The following UNC5D variants were observed in gnomAD, a reference collection of about 807,000 sequenced individuals.
The protein encoded by UNC5D is unc-5 netrin receptor D, also known as netrin receptor UNC5D.
A neutral mutation model predicts 105.4 loss-of-function variants in UNC5D; 39 were observed. That is an observed-to-expected ratio of 0.37 (90% CI 0.29 to 0.48). The LOEUF is 0.48. Ranked by LOEUF, UNC5D falls within the 20% of genes least tolerant of loss-of-function variation. UNC5D has a pLI of 0.98. For missense variants in UNC5D, 991 were observed against 1,202.4 expected (o/e 0.82, Z 2.60); for synonymous variants, 452 against 450.4 (o/e 1.00, Z -0.04).
At position 35,600,224 on chromosome 8, in the gene UNC5D, C is replaced by T. The variant is rs563518417; in HGVS notation, c.570+4567C>T. ...TCATTGTTGGACATTTGGGTTGGTT[C>T]CAAGTCTTTGCTATTGTGAATAGTG... On this transcript the variant is annotated intron_variant, in intron 4 of 16. Transcript: ENST00000404895. 8.5e-5 allele frequency among the ~76,000 whole-genome samples: 13 copies of T among 152,220 alleles called. 1 individual carries two copies. In the South Asian group the frequency reaches 2.5e-3, roughly 29 times the overall value.
chr8:35,514,190 A>C (rs898953128), intron 1 of UNC5D, among the ~76,000 whole-genome samples: 2 of 152,174 alleles, frequency 1.3e-5, no homozygotes, highest in Non-Finnish European at 2.9e-5. Flanking sequence ...CAGAATCCCT[A>C]TGCAGGAAAG....
Position 35,303,729 on chromosome 8 carries a change from T to C in UNC5D, c.103+67842T>C, listed in dbSNP as rs142070823. 2.8e-3 allele frequency among the ~76,000 whole-genome samples: 420 copies of C among 152,206 alleles called. 4 individuals are homozygous for C. The highest frequency in any genetic ancestry group is 9.6e-3 in the African/African-American group (399 of 41,544). On this transcript the variant is annotated intron_variant, in intron 1 of 16. Transcript: ENST00000404895. ...CACTGTGAGGCAGCTTGTTTATGGG[T>C]TTTGAAGAGGAGGCAGGCCTTCTGA...
intron 4 of UNC5D, among the ~76,000 whole-genome samples, chr8:35,676,742 A>G (rs1825251872): frequency 1.3e-5 from 2 of 152,170 alleles, no homozygotes; most frequent in African/African-American, 2.4e-5. Context: ...ATGCACCATA[A>G]CATTCATGGA....
At chr8:35,431,470 T>C (rs2128975432) in intron 1 of UNC5D, among the ~76,000 whole-genome samples, 1 of 152,276 alleles carries the variant, frequency 6.6e-6, no homozygotes, top group Middle Eastern at 3.4e-3. Context: ...TTACCATTAT[T>C]TTCAAGGCTC....
chr8:35,676,254 T>TAACA (rs1469572922), intron 4 of UNC5D, among the ~76,000 whole-genome samples: 6 of 152,236 alleles, frequency 3.9e-5, no homozygotes, highest in Non-Finnish European at 1.5e-5. Context: ...CATCTGTACA[T>TAACA]AACACTATGC....
chr8:35,265,274 G>A (rs968842198), intron 1 of UNC5D, among the ~76,000 whole-genome samples: 1 of 152,068 alleles, frequency 6.6e-6, no homozygotes, highest in Non-Finnish European at 1.5e-5. Context: ...AGCAAGGTGT[G>A]TTATGCTAGG....
intron 1 of UNC5D, among the ~76,000 whole-genome samples, chr8:35,428,758 CA>C (rs1360227213): frequency 6.6e-6 from 1 of 151,792 alleles, no homozygotes; most frequent in Non-Finnish European, 1.5e-5. Context: ...GAAGCCAAAC[CA>C]AAAGAAAATA....
chr8:35,593,121 T>C (rs1819282005), intron 3 of UNC5D, among the ~76,000 whole-genome samples: 1 of 151,884 alleles, frequency 6.6e-6, no homozygotes, highest in Admixed American at 6.6e-5. Flanking sequence ...TATAAATAGA[T>C]ATGTATGTAT....
intron 1 of UNC5D, among the ~76,000 whole-genome samples, chr8:35,237,515 C>T (rs1465741176): frequency 1.3e-5 from 2 of 152,032 alleles, no homozygotes; most frequent in Non-Finnish European, 2.9e-5. Flanking sequence ...GGGTTGGTGA[C>T]GTTGTCTTGA....
chr8:35,757,088 C>T (rs1286066405), intron 13 of UNC5D, among the ~76,000 whole-genome samples: 1 of 151,906 alleles, frequency 6.6e-6, no homozygotes, highest in African/African-American at 2.4e-5. Flanking sequence ...TATAAATAAA[C>T]CCAGGTAAGG....
intron 13 of UNC5D, among the ~76,000 whole-genome samples, chr8:35,759,013 C>T (rs532385644): frequency 2.6e-5 from 4 of 152,144 alleles, no homozygotes; most frequent in African/African-American, 9.7e-5. Context: ...AGAAGTATTA[C>T]GATTTGCTTG....
At chr8:35,296,257 C>G (rs1453342169) in intron 1 of UNC5D, among the ~76,000 whole-genome samples, 3 of 152,192 alleles carry the variant, frequency 2.0e-5, no homozygotes, top group African/African-American at 7.2e-5. Flanking sequence ...AATGGCTCTA[C>G]CAATTCACAT....
intron 2 of UNC5D, 97 bp downstream of exon 2, chr8:35,549,607 T>C: frequency 8.6e-7 from 1 of 1,164,392 alleles, no homozygotes; most frequent in Non-Finnish European, 1.2e-6. Context: ...CCCCATTGCC[T>C]TGTGTGAATG....
chr8:35,264,988 A>T (rs1434988694), intron 1 of UNC5D, among the ~76,000 whole-genome samples: 2 of 152,184 alleles, frequency 1.3e-5, no homozygotes, highest in Non-Finnish European at 2.9e-5. Context: ...CATTGAAAAC[A>T]GTCATAATAA....
At chr8:35,726,037 G>A in intron 9 of UNC5D, 115 bp from the exon 10 acceptor site, 1 of 1,388,744 alleles carries the variant, frequency 7.2e-7, no homozygotes, top group Middle Eastern at 2.7e-4. Context: ...GAGCTAGCTT[G>A]GATTGGAACT....
At chr8:35,733,412 A>G (rs1251252071) in intron 11 of UNC5D, among the ~76,000 whole-genome samples, 2 of 152,062 alleles carry the variant, frequency 1.3e-5, no homozygotes, top group East Asian at 1.9e-4. Context: ...TTGAAAACCC[A>G]TTTTCACTTT....
Position 35,545,279 on chromosome 8 carries a change from C to T in UNC5D, c.104-4013C>T, listed in dbSNP as rs180787931. ...ATAGAATCTGTCAGCAATTTATAAG[C>T]CCCTTAAAAGTTTCCACTTCAGTTC... On this transcript the variant is annotated intron_variant, in intron 1 of 16. Transcript: ENST00000404895. Among the ~76,000 whole-genome samples the T allele has an allele frequency of 6.4e-4, 97 of 152,298 alleles. 3 individuals are homozygous for T. Among genetic ancestry groups the T allele is most frequent in the Admixed American group, 5.4e-3 (83 of 15,300 alleles).
intron 16 of UNC5D, among the ~76,000 whole-genome samples, chr8:35,785,711 A>T (rs1802712385): frequency 6.6e-6 from 1 of 152,136 alleles, no homozygotes; most frequent in South Asian, 2.1e-4. Flanking sequence ...AGTGTGAGAA[A>T]CACACTCACC....
At chr8:35,565,316 A>G (rs564121310) in intron 2 of UNC5D, among the ~76,000 whole-genome samples, 3 of 152,088 alleles carry the variant, frequency 2.0e-5, no homozygotes, top group Non-Finnish European at 4.4e-5. Flanking sequence ...TGGTGGTTTT[A>G]ATTTGCATTT....
Sources: gnomAD v4.1 joint callset for allele counts (sites outside exome capture counted in the v4.1 genomes callset) on GRCh38, gnomAD v4.1.1 for gene constraint, MANE v1.5 for transcripts, NCBI Gene and HGNC (gene_info 2026-07-23, HGNC 2026-07-21) for gene names.